Variants in INO80 observed in about 807,000 individuals in gnomAD.
The protein encoded by INO80 is INO80 complex ATPase subunit.
Under a neutral mutation model 203.4 loss-of-function variants are expected in INO80, and 20 were observed. That is an observed-to-expected ratio of 0.10 (90% CI 0.07 to 0.14). The LOEUF is 0.14. Among genes scored for constraint, INO80 ranks in the 10% least tolerant of loss-of-function variants. INO80 has a pLI of 1.00. For missense variants in INO80, 1,419 were observed against 1,914.4 expected (o/e 0.74, Z 4.83); for synonymous variants, 726 against 685.2 (o/e 1.06, Z -0.93).
intron 9 of INO80, 103 bp from the exon 10 acceptor site, chr15:41,074,668 G>T: frequency 1.3e-6 from 1 of 759,302 alleles, no homozygotes; most frequent in South Asian, 2.1e-5. Context: ...TTTACCAACT[G>T]TTTACTTTTA....
In INO80 at chr15:41,044,905, T is replaced by A. The variant is rs748352446; in HGVS notation, c.2906A>T (p.Lys969Met). The change falls in exon 24 of 36, where the codon AAG becomes ATG. Residue 969 changes from lysine to methionine, a missense_variant and splice_region_variant. By Grantham distance (95) the Lys-to-Met change is moderately conservative. This residue lies in a region of INO80 where 302 missense variants were observed against 345.4 expected (regional missense o/e 0.87). Transcript: ENST00000648947. Reference sequence around the variant, plus strand: ...ATTTATGCTCAAATAATTGCTTACCTTTAACAAAGGGCAGCTGCAAAGGTT... The same window carrying A: ...ATTTATGCTCAAATAATTGCTTACCATTAACAAAGGGCAGCTGCAAAGGTT... ...FPNLCSCPLL[K>M]SLVFSSHCKA... is the part of the protein sequence containing the mutation. 6.3e-7 allele frequency: 1 copy of A among 1,599,894 alleles called. No homozygotes were observed. Among genetic ancestry groups the A allele is most frequent in the East Asian group, 2.2e-5 (1 of 44,794 alleles).
Position 40,978,909 on chromosome 15 carries a change from T to C in INO80, c.*1314A>G, listed in dbSNP as rs900547257. 2.6e-5 allele frequency: 4 copies of C among 152,642 alleles called. No individual in the cohort carries two copies. Among genetic ancestry groups the C allele is most frequent in the Non-Finnish European group, 5.9e-5 (4 of 68,044 alleles). 9.5% of individuals were successfully genotyped at this position (152,642 alleles called of 1,614,324 possible). A position where few individuals can be genotyped will look rare whatever the true frequency, so the allele number is the denominator to read the frequency against. On this transcript the variant is annotated 3_prime_UTR_variant, in exon 36 of 36. Coordinates refer to ENST00000648947, the MANE Select transcript of INO80 (RefSeq NM_017553.3). ...CATAAAATTATCTCACTCCATTTTATTTAAGATTTTTTTATCCAGTTAGTA... is the reference window on the plus strand; with the variant it reads ...CATAAAATTATCTCACTCCATTTTACTTAAGATTTTTTTATCCAGTTAGTA...
At chr15:41,085,637 G>C (rs1337837778) in intron 6 of INO80, 54 bp from the exon 7 acceptor site, 13 of 1,398,350 alleles carry the variant, frequency 9.3e-6, no homozygotes, top group Non-Finnish European at 1.2e-5. Flanking sequence ...TAGTCACAAA[G>C]CAACCTCATG....
At chr15:40,982,193 C>T (rs868847429) in intron 35 of INO80, among the ~76,000 whole-genome samples, 48 of 152,340 alleles carry the variant, frequency 3.2e-4, no homozygotes, top group Middle Eastern at 6.8e-3. Flanking sequence ...GTCACCCATG[C>T]TGGAGTGCAG....
intron 24 of INO80, among the ~76,000 whole-genome samples, chr15:41,033,957 G>A (rs1165971296): frequency 6.6e-6 from 1 of 152,116 alleles, no homozygotes; most frequent in African/African-American, 2.4e-5. Flanking sequence ...AGCTTCTCGG[G>A]AGGCTGAGGC....
At position 41,041,367 on chromosome 15, in the gene INO80, G is replaced by A. The variant is rs556808869; in HGVS notation, c.2907+3537C>T. ...CAGCCTCCCAAAGTGCTGGAATTAC[G>A]GGAATGAGCCACGATGCCTAGCCTC... On this transcript the variant is annotated intron_variant, in intron 24 of 35. Coordinates refer to ENST00000648947, the MANE Select transcript of INO80 (RefSeq NM_017553.3). 2.5e-4 allele frequency among the ~76,000 whole-genome samples: 38 copies of A among 151,462 alleles called. No individual in the cohort carries two copies. The East Asian group carries it at 4.5e-3, about 18-fold the overall frequency.
rs1252383495 is a variant in INO80 at position 41,050,015 on chromosome 15, A to G, written c.2362T>C (p.Leu788=). 3 of 1,614,156 alleles carry G rather than the reference A, an allele frequency of 1.9e-6. No homozygotes were observed. The highest frequency in any genetic ancestry group is 2.5e-6 in the Non-Finnish European group (3 of 1,179,966). ...LKNKISIEDL[L]QSSMGSTQQA... ...TGGGTAGAGCCCATAGAAGACTGCA[A>G]TAAATCCTCAATGGAAATTTTGTTC... The change falls in exon 20 of 36, where the codon TTG becomes CTG. Residue 788 remains leucine (L), a synonymous_variant. Coordinates refer to ENST00000648947, the MANE Select transcript of INO80 (RefSeq NM_017553.3).
chr15:41,028,121 C>T (rs1046502723), intron 24 of INO80, among the ~76,000 whole-genome samples: 2 of 152,014 alleles, frequency 1.3e-5, no homozygotes, highest in East Asian at 1.9e-4. Flanking sequence ...CAATGATGAC[C>T]AACACAATTT....
At position 41,102,962 on chromosome 15, in the gene INO80, C is replaced by T. The variant is rs117613000; in HGVS notation, c.-43-6609G>A. ...TCTACCAGGAATTCAATTAACACTGCTGTATGACTGACCCTCTGGCTCTCA... is the reference window on the plus strand; with the variant it reads ...TCTACCAGGAATTCAATTAACACTGTTGTATGACTGACCCTCTGGCTCTCA... On this transcript the variant is annotated intron_variant, in intron 1 of 35. Transcript: ENST00000648947. Among the ~76,000 whole-genome samples the T allele has an allele frequency of 3.2e-3, 489 of 152,274 alleles. 3 individuals are homozygous for T. Among genetic ancestry groups the T allele is most frequent in the Middle Eastern group, 0.01 (3 of 294 alleles).
At chr15:40,983,688 C>A in intron 34 of INO80, 74 bp downstream of exon 34, 1 of 1,330,270 alleles carries the variant, frequency 7.5e-7, no homozygotes, top group South Asian at 1.2e-5. Flanking sequence ...TAGAAGGAAT[C>A]AGGACCTTAC....
rs1256487019 is a variant in INO80, at chr15:41,049,834, C to T, written c.2442+101G>A. ...CTGGGAGCCAGAGGTTGCAGTGAGC[C>T]GAAATCACGCCATTGCACTCCAGCC... On this transcript the variant is annotated intron_variant, in intron 20 of 35. Coordinates refer to ENST00000648947, the MANE Select transcript of INO80 (RefSeq NM_017553.3). 5.5e-6 allele frequency: 6 copies of T among 1,099,670 alleles called. No homozygotes were observed. The Admixed American group carries it at 6.9e-5, about 13-fold the overall frequency. The allele number at this position is 1,099,670 out of a possible 1,614,324, so 68.1% of individuals were successfully genotyped here. A position where few individuals can be genotyped will look rare whatever the true frequency, so the allele number is the denominator to read the frequency against.
At chr15:40,982,450 A>G (rs1249683749) in intron 35 of INO80, among the ~76,000 whole-genome samples, 2 of 152,198 alleles carry the variant, frequency 1.3e-5, no homozygotes, top group East Asian at 1.9e-4. Context: ...TGCCTGGCCC[A>G]TGTGGTATAC....
In INO80 at chr15:41,087,566, A is replaced by T; in HGVS notation, c.654T>A (p.Leu218=). Residue 218 remains leucine (L), a synonymous_variant, in exon 6 of 36, where the codon CTT becomes CTA. Transcript: ENST00000648947. ...KKKKFKEEKK[L]KAKLKKVKKK... is the part of the protein sequence containing the mutation. ...AAGGCAGTTCAACATGCTCACCTTT[A>T]AGTTTCTTTTCCTCCTTAAATTTCT... The T allele has an allele frequency of 6.2e-7, 1 of 1,613,670 alleles. No homozygotes were observed. Among genetic ancestry groups the T allele is most frequent in the Non-Finnish European group, 8.5e-7 (1 of 1,179,904 alleles).
At chr15:41,001,113 G>T (rs994739804) in intron 28 of INO80, among the ~76,000 whole-genome samples, 2 of 152,134 alleles carry the variant, frequency 1.3e-5, no homozygotes, top group East Asian at 3.8e-4. Context: ...ACTGAATAAC[G>T]CTATAATAGT....
At chr15:41,104,422 T>C (rs887994864) in intron 1 of INO80, among the ~76,000 whole-genome samples, 6 of 152,292 alleles carry the variant, frequency 3.9e-5, no homozygotes, top group African/African-American at 1.4e-4. Context: ...TTCATGTTAA[T>C]GGTAAATGTA....
intron 29 of INO80, among the ~76,000 whole-genome samples, chr15:40,991,933 A>G (rs922445007): frequency 6.6e-6 from 1 of 152,116 alleles, no homozygotes; most frequent in African/African-American, 2.4e-5. Flanking sequence ...GTCCGCCACC[A>G]TGCCCGGCTC....
At chr15:41,027,902 T>C in intron 24 of INO80, 166 bp from the exon 25 acceptor site, 1 of 443,614 alleles carries the variant, frequency 2.3e-6, no homozygotes, top group East Asian at 3.5e-5. Flanking sequence ...TATAATACAG[T>C]TGAAGCCCAT....
Position 41,096,312 on chromosome 15 carries a change from G to A in INO80, c.-2C>T. ...CCTGGCACCCAACTCCGAGGCCATAGAACAAATCTGTCTTCATGCACAAGG... is the reference window on the plus strand; with the variant it reads ...CCTGGCACCCAACTCCGAGGCCATAAAACAAATCTGTCTTCATGCACAAGG... On this transcript the variant is annotated 5_prime_UTR_variant, in exon 2 of 36. Coordinates refer to ENST00000648947, the MANE Select transcript of INO80 (RefSeq NM_017553.3). 6.3e-7 allele frequency: 1 copy of A among 1,581,136 alleles called. No individual in the cohort carries two copies. Among genetic ancestry groups the A allele is most frequent in the Non-Finnish European group, 8.5e-7 (1 of 1,170,374 alleles).
At chr15:41,063,337 A>C (rs746463657) in intron 14 of INO80, among the ~76,000 whole-genome samples, 2 of 152,048 alleles carry the variant, frequency 1.3e-5, no homozygotes, top group Non-Finnish European at 2.9e-5. Context: ...ACTCCGTCTC[A>C]AAAAAAATTT....
Sources: allele counts gnomAD v4.1 joint callset (sites outside exome capture counted in the v4.1 genomes callset), GRCh38; gene constraint gnomAD v4.1.1; regional missense constraint gnomAD v4.1.1; transcripts MANE v1.5; gene names NCBI Gene and HGNC (gene_info 2026-07-23, HGNC 2026-07-21).